The following CFAP47 variants were observed in gnomAD, a reference collection of about 807,000 sequenced individuals.
CFAP47 encodes cilia and flagella associated protein 47.
CFAP47 carries 29 observed loss-of-function variants against 148.1 expected under a neutral mutation model. The observed-to-expected ratio is 0.20, with a 90% CI of 0.15 to 0.27. CFAP47 has a LOEUF of 0.27. CFAP47 is among the 10% of genes least tolerant of loss of function. The pLI is 1.00. For missense variants in CFAP47, 1,872 were observed against 1,697.5 expected, an observed-to-expected ratio of 1.10 and a Z score of -1.81; for synonymous variants, 664 against 577.3, an observed-to-expected ratio of 1.15 and a Z score of -2.15.
At chrX:36,159,308 G>A in intron 37 of CFAP47, 118 bp from the exon 38 acceptor site, 1 of 289,674 alleles carries the variant, frequency 3.5e-6, no homozygotes, top group Non-Finnish European at 6.1e-6. Context: ...GATAACTGCA[G>A]CTGAAGTGAG....
At chrX:36,232,119 C>T (rs1166684319) in intron 46 of CFAP47, among the ~76,000 whole-genome samples, 13 of 110,974 alleles carry the variant, frequency 1.2e-4, no homozygotes, top group African/African-American at 3.0e-4. Context: ...AGGATGATGC[C>T]GGCATCATAA....
intron 26 of CFAP47, among the ~76,000 whole-genome samples, chrX:36,049,024 A>G (rs1220807102): frequency 3.6e-5 from 4 of 111,241 alleles, no homozygotes; most frequent in Non-Finnish European, 7.5e-5. Flanking sequence ...TAGGGTGAGA[A>G]CCAGGAGAGT....
At chrX:36,088,929 C>T (rs1306617490) in intron 30 of CFAP47, among the ~76,000 whole-genome samples, 2 of 111,692 alleles carry the variant, frequency 1.8e-5, no homozygotes, top group South Asian at 3.7e-4. Flanking sequence ...GAATATAAAG[C>T]TATTGTAACT....
intron 2 of CFAP47, 89 bp from the exon 3 acceptor site, chrX:35,941,194 A>G (rs1185237534): frequency 4.2e-6 from 2 of 476,724 alleles, no homozygotes; most frequent in Non-Finnish European, 7.1e-6. Flanking sequence ...TTAAGGGCTT[A>G]AGTGTCCATC....
At chrX:36,122,395 G>A (rs894271566) in intron 33 of CFAP47, among the ~76,000 whole-genome samples, 3 of 111,029 alleles carry the variant, frequency 2.7e-5, no homozygotes, top group Admixed American at 1.9e-4. Flanking sequence ...CTTTATACCC[G>A]TATCTCTTTC....
At chrX:36,250,544 G>C (rs1193997818) in intron 48 of CFAP47, among the ~76,000 whole-genome samples, 4 of 110,370 alleles carry the variant, frequency 3.6e-5, no homozygotes, top group Non-Finnish European at 3.8e-5. Context: ...TTCTTGAAAA[G>C]AGCTGAGAGA....
At chrX:35,958,236 A>G (rs933326592) in intron 8 of CFAP47, among the ~76,000 whole-genome samples, 3 of 111,768 alleles carry the variant, frequency 2.7e-5, no homozygotes, top group African/African-American at 9.7e-5. Context: ...GCCAAATTAT[A>G]TTTTTTGTAT....
chrX:36,054,080 C>T (rs1017491259), intron 26 of CFAP47, among the ~76,000 whole-genome samples: 2 of 112,184 alleles, frequency 1.8e-5, no homozygotes, highest in East Asian at 5.6e-4. Flanking sequence ...CTCTTTATCT[C>T]CCTTACTGGT....
At chrX:36,115,811 A>G (rs937101877) in intron 33 of CFAP47, among the ~76,000 whole-genome samples, 1 of 111,849 alleles carries the variant, frequency 8.9e-6, no homozygotes, top group African/African-American at 3.2e-5. Context: ...CTGAAAATAC[A>G]TCTCTCCTCA....
intron 48 of CFAP47, among the ~76,000 whole-genome samples, chrX:36,245,703 C>T (rs1940606819): frequency 9.0e-6 from 1 of 111,590 alleles, no homozygotes; most frequent in Non-Finnish European, 1.9e-5. Flanking sequence ...CAGCATAGTA[C>T]TGATGCAAAA....
chrX:36,001,575 G>T (rs1355691184), intron 20 of CFAP47, 38 bp from the exon 21 acceptor site: 3 of 288,137 alleles, frequency 1.0e-5, no homozygotes, highest in African/African-American at 8.3e-5. Context: ...ATTGATTTTT[G>T]ATTGTTATGA....
chrX:35,996,892 T>A (rs762463988), intron 18 of CFAP47, among the ~76,000 whole-genome samples: 17 of 111,928 alleles, frequency 1.5e-4, no homozygotes, highest in Admixed American at 1.9e-4. Flanking sequence ...TTTTAGTTAG[T>A]CTCATTACTA....
intron 26 of CFAP47, among the ~76,000 whole-genome samples, chrX:36,050,328 G>A (rs1266512829): frequency 9.0e-6 from 1 of 111,437 alleles, no homozygotes; most frequent in Non-Finnish European, 1.9e-5. Flanking sequence ...CAGAAGACAG[G>A]AAGTTGTAGG....
chrX:36,243,355 A>G (rs1361343472), intron 48 of CFAP47, among the ~76,000 whole-genome samples: 1 of 110,058 alleles, frequency 9.1e-6, no homozygotes, highest in Non-Finnish European at 1.9e-5. Flanking sequence ...ATGTAATTGG[A>G]CTAAAAACCC....
At chrX:35,947,947 A>G (rs941573666) in intron 3 of CFAP47, among the ~76,000 whole-genome samples, 3 of 111,720 alleles carry the variant, frequency 2.7e-5, no homozygotes, top group Admixed American at 9.5e-5. Context: ...GACCTCAGAT[A>G]TTGGACTTAC....
chrX:36,122,184 T>G (rs1408503612), intron 33 of CFAP47, among the ~76,000 whole-genome samples: 1 of 111,506 alleles, frequency 9.0e-6, no homozygotes, highest in African/African-American at 3.3e-5. Context: ...TGGAGCACAA[T>G]TGTATGTTAT....
At chrX:36,291,765 A>G (rs953908031) in intron 51 of CFAP47, among the ~76,000 whole-genome samples, 1 of 111,491 alleles carries the variant, frequency 9.0e-6, no homozygotes, top group Admixed American at 9.5e-5. Context: ...ACACTCTTCA[A>G]AATGGCTGGC....
chrX:36,356,147 T>C lies in CFAP47; in HGVS notation c.8851+2466T>C, dbSNP rs781821407. ...AAATAGCTCTTGAAAATATACCTTT[T>C]GATATGGCTCTTATTTTACTGCTTC... On this transcript the variant is annotated intron_variant, in intron 60 of 63. Coordinates refer to ENST00000378653, the MANE Select transcript of CFAP47 (RefSeq NM_001304548.2). Among the ~76,000 whole-genome samples, 6 of 111,993 alleles carry C rather than the reference T, an allele frequency of 5.4e-5. No individual in the cohort carries two copies. In the East Asian group the frequency reaches 1.7e-3, roughly 32 times the overall value.
chrX:36,185,674 A>G (rs1555985486), intron 40 of CFAP47, among the ~76,000 whole-genome samples: 2 of 111,660 alleles, frequency 1.8e-5, no homozygotes, highest in Admixed American at 9.5e-5. Context: ...TAAATAACAC[A>G]AATTTATTTC....
Sources: gnomAD v4.1 joint callset for allele counts (sites outside exome capture counted in the v4.1 genomes callset) on GRCh38, gnomAD v4.1.1 for gene constraint, MANE v1.5 for transcripts, NCBI Gene and HGNC (gene_info 2026-07-23, HGNC 2026-07-21) for gene names.